FRMD3: variants seen among roughly 807,000 people sequenced by gnomAD.
The protein encoded by FRMD3 is FERM domain-containing protein 3.
FRMD3 carries 33 observed loss-of-function variants against 70.2 expected under a neutral mutation model. That is an observed-to-expected ratio of 0.47 (90% CI 0.36 to 0.63). FRMD3 has a LOEUF of 0.63. FRMD3 is among the 20% of genes least tolerant of loss of function. The probability of loss-of-function intolerance (pLI) is 0.00; values close to 1 mark genes in which losing one functional copy is unlikely to be tolerated. For synonymous variants in FRMD3, 279 were observed against 255.9 expected, an observed-to-expected ratio of 1.09 and a Z score of -0.86; for missense variants, 632 against 711.4, an observed-to-expected ratio of 0.89 and a Z score of 1.27.
At chr9:83,544,462 T>C in the FRMD3 span, among the ~76,000 whole-genome samples, 3 of 152,086 alleles carry the variant, frequency 2.0e-5, no homozygotes, top group African/African-American at 4.8e-5. Flanking sequence ...ACTCAGAGAA[T>C]GGTGTATTCC....
intron 4 of FRMD3, among the ~76,000 whole-genome samples, chr9:83,348,248 TTCTCTCTC>T (rs1003672946): frequency 1.8e-4 from 27 of 151,240 alleles, no homozygotes; most frequent in African/African-American, 6.5e-4. Flanking sequence ...TCTCTCTCTC[TTCTCTCTC>T]TCTCTCTTTT....
intron 1 of FRMD3, among the ~76,000 whole-genome samples, chr9:83,464,441 T>C (rs950032934): frequency 5.3e-5 from 8 of 152,144 alleles, no homozygotes; most frequent in African/African-American, 1.7e-4. Context: ...TGGTGGACGA[T>C]GGTAAGGGTC....
At chr9:83,361,881 A>G (rs1824596507) in intron 3 of FRMD3, among the ~76,000 whole-genome samples, 1 of 152,202 alleles carries the variant, frequency 6.6e-6, no homozygotes, top group Non-Finnish European at 1.5e-5. Flanking sequence ...GACTGCAGGA[A>G]ACCAGCAGAA....
intron 13 of FRMD3, among the ~76,000 whole-genome samples, chr9:83,256,680 AC>A (rs980365312): frequency 5.3e-5 from 8 of 150,788 alleles, no homozygotes; most frequent in African/African-American, 2.0e-4. Flanking sequence ...GGAAAAAAAA[AC>A]CCATTAAAAA....
At chr9:83,396,196 A>G (rs963735279) in intron 1 of FRMD3, among the ~76,000 whole-genome samples, 11 of 152,216 alleles carry the variant, frequency 7.2e-5, no homozygotes, top group Non-Finnish European at 1.5e-4. Context: ...ATGTGGAGAG[A>G]GAGGAAAACA....
At chr9:83,448,776 C>T (rs1457246277) in intron 1 of FRMD3, among the ~76,000 whole-genome samples, 1 of 152,204 alleles carries the variant, frequency 6.6e-6, no homozygotes, top group Non-Finnish European at 1.5e-5. Context: ...CTAGCCTCCA[C>T]AAATTTCACG....
the FRMD3 span, among the ~76,000 whole-genome samples, chr9:83,559,387 T>A: frequency 6.6e-6 from 1 of 152,252 alleles, no homozygotes; most frequent in African/African-American, 2.4e-5. Flanking sequence ...CATAATGTTA[T>A]TGTACATTTA....
Position 83,401,313 on chromosome 9 carries a change from G to A in FRMD3, c.148-11605C>T, listed in dbSNP as rs113730625. On this transcript the variant is annotated intron_variant, in intron 1 of 13. Transcript: ENST00000304195. ...AAGACTAGAATTATTAACCGTTAGC[G>A]AGCAGTACAATGTTCAGATTTTTAA... Among the ~76,000 whole-genome samples, 622 of 152,318 alleles carry A rather than the reference G, an allele frequency of 4.1e-3. 3 individuals carry two copies. The highest frequency in any genetic ancestry group is 0.014 in the African/African-American group (592 of 41,570).
the FRMD3 span, among the ~76,000 whole-genome samples, chr9:83,584,121 G>A: frequency 6.6e-6 from 1 of 152,160 alleles, no homozygotes; most frequent in East Asian, 1.9e-4. Flanking sequence ...GGATCACGAG[G>A]TCAAGAGATC....
At chr9:83,404,876 G>T (rs1478732123) in intron 1 of FRMD3, among the ~76,000 whole-genome samples, 1 of 152,220 alleles carries the variant, frequency 6.6e-6, no homozygotes, top group Non-Finnish European at 1.5e-5. Context: ...GCTTATCAGT[G>T]TAAAGGTAAT....
intron 1 of FRMD3, among the ~76,000 whole-genome samples, chr9:83,520,112 T>G (rs919272945): frequency 6.6e-6 from 1 of 152,176 alleles, no homozygotes; most frequent in African/African-American, 2.4e-5. Context: ...CTGCACGTTC[T>G]GCACATGTAT....
At chr9:83,279,377 T>A (rs1833894129) in intron 13 of FRMD3, 2 of 152,212 alleles carry the variant, frequency 1.3e-5, no homozygotes, top group Non-Finnish European at 2.9e-5. Context: ...TAAATATCAT[T>A]GTTCCCCATT....
At position 83,392,078 on chromosome 9, in the gene FRMD3, G is replaced by GA. The variant is rs201914348; in HGVS notation, c.148-2371dup. Among the ~76,000 whole-genome samples the GA allele has an allele frequency of 6.8e-3, 935 of 137,808 alleles. 5 individuals carry two copies. Among genetic ancestry groups the GA allele is most frequent in the East Asian group, 0.02 (95 of 4,730 alleles). 90.4% of individuals were successfully genotyped at this position (137,808 alleles called of 152,430 possible). ...TCCTTTCTCCAGGGACCACCACAAA[G>GA]AAAAAAAAAAAAGCCCCTTTTCCTT... is the stretch of plus-strand genomic sequence containing the variant. On this transcript the variant is annotated intron_variant, in intron 1 of 13. Coordinates refer to ENST00000304195, the MANE Select transcript of FRMD3 (RefSeq NM_174938.6).
intron 6 of FRMD3, among the ~76,000 whole-genome samples, chr9:83,320,367 T>C (rs914855319): frequency 3.9e-5 from 6 of 152,222 alleles, no homozygotes; most frequent in African/African-American, 1.4e-4. Context: ...CATGAAGAGA[T>C]GCTGAAGTTT....
At chr9:83,360,676 G>C (rs1194612532) in intron 3 of FRMD3, among the ~76,000 whole-genome samples, 1 of 152,076 alleles carries the variant, frequency 6.6e-6, no homozygotes, top group Non-Finnish European at 1.5e-5. Flanking sequence ...TTCCCACGAG[G>C]AGTGCTAGGT....
chr9:83,465,165 A>C (rs1338864652), intron 1 of FRMD3, among the ~76,000 whole-genome samples: 3 of 152,204 alleles, frequency 2.0e-5, no homozygotes, highest in African/African-American at 7.2e-5. Flanking sequence ...TCTCACCAAC[A>C]ATATGTGAGG....
chr9:83,560,855 A>C, the FRMD3 span, among the ~76,000 whole-genome samples: 1 of 152,172 alleles, frequency 6.6e-6, no homozygotes, highest in Non-Finnish European at 1.5e-5. Flanking sequence ...ATATGATGAC[A>C]ATGCCCTTAG....
rs112432793 is a variant in FRMD3, at chr9:83,497,570, T to G, written c.147+40515A>C. On this transcript the variant is annotated intron_variant, in intron 1 of 13. Coordinates refer to ENST00000304195, the MANE Select transcript of FRMD3 (RefSeq NM_174938.6). ...TACTTACCAAATACCCGTGGGCTCC[T>G]CCACATTGCCCAGCCTTCTTGCAGT... 5.3e-3 allele frequency among the ~76,000 whole-genome samples: 815 copies of G among 152,380 alleles called. 9 individuals are homozygous for G. The highest frequency in any genetic ancestry group is 0.019 in the African/African-American group (776 of 41,596).
In FRMD3 at chr9:83,521,700, C is replaced by A. The variant is rs538503940; in HGVS notation, c.147+16385G>T. Among the ~76,000 whole-genome samples, 5 of 152,354 alleles carry A rather than the reference C, an allele frequency of 3.3e-5. No individual in the cohort carries two copies. In the East Asian group the frequency reaches 9.6e-4, roughly 29 times the overall value. On this transcript the variant is annotated intron_variant, in intron 1 of 13. Transcript: ENST00000304195. ...TCATTGTTTTCCAGACTCTGACCCC[C>A]ACTCCACTGTCTGCACAGTCTGAGC... is the stretch of plus-strand genomic sequence containing the variant.
Sources: gnomAD v4.1 joint callset for allele counts (sites outside exome capture counted in the v4.1 genomes callset) on GRCh38, gnomAD v4.1.1 for gene constraint, MANE v1.5 for transcripts, NCBI Gene and HGNC (gene_info 2026-07-23, HGNC 2026-07-21) for gene names.